ANO4: variants seen among roughly 807,000 people sequenced by gnomAD.
ANO4 encodes the protein anoctamin 4, also known as anoctamin-4.
Under a neutral mutation model 141.9 loss-of-function variants are expected in ANO4, and 69 were observed. The observed-to-expected ratio is 0.49, with a 90% CI of 0.40 to 0.59. The LOEUF is 0.59. Ranked by LOEUF, ANO4 falls within the 20% of genes least tolerant of loss-of-function variation. The pLI, the probability that ANO4 is intolerant of heterozygous loss-of-function variation, is 0.00. For missense variants in ANO4, 894 were observed against 1,162.2 expected, an observed-to-expected ratio of 0.77 and a Z score of 3.36; for synonymous variants, 350 against 394.3, an observed-to-expected ratio of 0.89 and a Z score of 1.33.
At chr12:101,058,270 T>C (rs1367201766) in intron 14 of ANO4, among the ~76,000 whole-genome samples, 2 of 152,242 alleles carry the variant, frequency 1.3e-5, no homozygotes, top group Non-Finnish European at 2.9e-5. Flanking sequence ...TGTAGCCTTG[T>C]AGTATAGTTT....
intron 25 of ANO4, among the ~76,000 whole-genome samples, chr12:101,118,710 TTTTA>T (rs1225623431): frequency 3.9e-5 from 6 of 152,120 alleles, no homozygotes; most frequent in African/African-American, 1.4e-4. Context: ...GGAGCTTTCT[TTTTA>T]TTTATTTATT....
intron 1 of ANO4, among the ~76,000 whole-genome samples, chr12:100,720,713 CAG>C (rs2030826239): frequency 1.3e-5 from 2 of 152,116 alleles, no homozygotes; most frequent in South Asian, 2.1e-4. Context: ...ACCCCATGTG[CAG>C]AGTCAGTCTC....
At chr12:100,784,607 C>T (rs1276093112) in intron 3 of ANO4, among the ~76,000 whole-genome samples, 1 of 152,172 alleles carries the variant, frequency 6.6e-6, no homozygotes, top group Non-Finnish European at 1.5e-5. Flanking sequence ...TTCTCCTCTG[C>T]TAACATAGTT....
intron 1 of ANO4, among the ~76,000 whole-genome samples, chr12:100,833,735 A>G (rs1295754783): frequency 2.0e-5 from 3 of 151,932 alleles, no homozygotes; most frequent in Admixed American, 6.6e-5. Context: ...AGGAGATTTT[A>G]AAGTATTGTT....
upstream of ANO4, among the ~76,000 whole-genome samples, chr12:100,794,239 A>G (rs1191223180): frequency 6.6e-6 from 1 of 152,154 alleles, no homozygotes; most frequent in Non-Finnish European, 1.5e-5. Context: ...CCAAAGCGCC[A>G]TTACTGTACT....
At chr12:100,898,830 G>T (rs921982945) in intron 1 of ANO4, among the ~76,000 whole-genome samples, 3 of 152,158 alleles carry the variant, frequency 2.0e-5, no homozygotes, top group Admixed American at 1.3e-4. Context: ...TGCAGACTGA[G>T]AGTGCATGTA....
chr12:101,026,159 T>C (rs1381691499), intron 9 of ANO4, among the ~76,000 whole-genome samples: 3 of 152,206 alleles, frequency 2.0e-5, no homozygotes, highest in Non-Finnish European at 1.5e-5. Flanking sequence ...AAGGGACTAA[T>C]AGGTGAATGT....
chr12:100,738,990 C>T (rs1342182649), intron 2 of ANO4, among the ~76,000 whole-genome samples: 2 of 148,086 alleles, frequency 1.4e-5, no homozygotes, highest in Non-Finnish European at 3.0e-5. Flanking sequence ...ATCACCGGTC[C>T]ACTCTTTGTT....
At chr12:100,963,490 C>CTGTG (rs376975145) in intron 5 of ANO4, among the ~76,000 whole-genome samples, 1 of 151,006 alleles carries the variant, frequency 6.6e-6, no homozygotes, top group African/African-American at 2.4e-5. Flanking sequence ...GTGTGTGTGT[C>CTGTG]TGTGTGTGTG....
chr12:100,995,343 C>T (rs955734659), intron 8 of ANO4, among the ~76,000 whole-genome samples: 1 of 152,110 alleles, frequency 6.6e-6, no homozygotes, highest in Non-Finnish European at 1.5e-5. Flanking sequence ...GGGAAGAGAA[C>T]AAAGACCTTG....
chr12:100,763,640 G>T (rs1453943259), intron 3 of ANO4, among the ~76,000 whole-genome samples: 4 of 152,214 alleles, frequency 2.6e-5, no homozygotes, highest in Non-Finnish European at 5.9e-5. Flanking sequence ...CCTGCTGCAG[G>T]AGCAGCTGGT....
In ANO4 at chr12:100,948,150, C is replaced by CAA. The variant is rs58889801; in HGVS notation, c.456+5642_456+5643dup. ...TGGGTGACAGAGCAAGACTTCGTCT[C>CAA]AAAAAAAAAAAAAAAAAAAAAAAAA... On this transcript the variant is annotated intron_variant, in intron 5 of 27. Transcript: ENST00000392977. Among the ~76,000 whole-genome samples the CAA allele has an allele frequency of 7.1e-4, 59 of 83,322 alleles. 3 individuals carry two copies. Among genetic ancestry groups the CAA allele is most frequent in the African/African-American group, 2.3e-3 (43 of 19,042 alleles). 54.7% of individuals were successfully genotyped at this position (83,322 alleles called of 152,430 possible).
chr12:100,789,482 G>A (rs1276980561), intron 3 of ANO4, among the ~76,000 whole-genome samples: 1 of 152,198 alleles, frequency 6.6e-6, no homozygotes, highest in Non-Finnish European at 1.5e-5. Context: ...GGTGACAATA[G>A]CTATGCCTAC....
intron 1 of ANO4, among the ~76,000 whole-genome samples, chr12:100,846,506 T>C (rs2135830870): frequency 6.6e-6 from 1 of 152,264 alleles, no homozygotes; most frequent in East Asian, 1.9e-4. Flanking sequence ...TTATGTAATT[T>C]GGGACTAAAG....
intron 8 of ANO4, among the ~76,000 whole-genome samples, chr12:101,009,244 C>A (rs1305880532): frequency 1.3e-5 from 2 of 152,052 alleles, no homozygotes; most frequent in African/African-American, 2.4e-5. Flanking sequence ...CAGACATACA[C>A]ACAGAGAAGA....
chr12:100,987,561 T>C lies in ANO4; in HGVS notation c.625T>C (p.Phe209Leu). 1.2e-6 allele frequency: 2 copies of C among 1,613,910 alleles called. No individual in the cohort carries two copies. The highest frequency in any genetic ancestry group is 2.2e-5 in the South Asian group (2 of 91,072). ...MSRIDKQISR[F>L]RRWLPKKPMR... ...CAGGATCGATAAACAAATAAGCAGG[T>C]TTCGGAGATGGTTACCTAAGAAGCC... Residue 209 changes from phenylalanine to leucine, a missense_variant, in exon 8 of 28, where the codon TTT (phenylalanine) becomes CTT (leucine). Physicochemically the swap from Phe to Leu is conservative, Grantham distance 22. Coordinates refer to ENST00000392977, the MANE Select transcript of ANO4 (RefSeq NM_001286615.2).
chr12:101,093,428 C>A (rs1002912638), intron 17 of ANO4, among the ~76,000 whole-genome samples: 8 of 152,264 alleles, frequency 5.3e-5, no homozygotes, highest in Middle Eastern at 3.4e-3. Context: ...GCAATTTTAA[C>A]CAGTGTGTTT....
chr12:101,124,728 T>A (rs1199954252), intron 26 of ANO4, among the ~76,000 whole-genome samples: 1 of 152,180 alleles, frequency 6.6e-6, no homozygotes, highest in African/African-American at 2.4e-5. Flanking sequence ...AAGTAGGGAA[T>A]CCTTTCCCCC....
At chr12:100,767,297 G>T (rs1038437184) in intron 3 of ANO4, among the ~76,000 whole-genome samples, 8 of 149,636 alleles carry the variant, frequency 5.3e-5, no homozygotes, top group Admixed American at 2.0e-4. Context: ...TTTCTTAACT[G>T]TGTTTCTTTG....
Sources: allele counts gnomAD v4.1 joint callset (sites outside exome capture counted in the v4.1 genomes callset), GRCh38; gene constraint gnomAD v4.1.1; transcripts MANE v1.5; gene names NCBI Gene and HGNC (gene_info 2026-07-23, HGNC 2026-07-21).